The following B3GAT3 variants were observed in gnomAD, a reference collection of about 807,000 sequenced individuals.
B3GAT3 encodes galactosylgalactosylxylosylprotein 3-beta-glucuronosyltransferase 3.
B3GAT3 carries 19 observed loss-of-function variants against 33.1 expected under a neutral mutation model. The ratio of observed to expected loss-of-function variants is 0.57; its 90% CI spans 0.40 to 0.84. B3GAT3 has a LOEUF of 0.84. B3GAT3 is among the 40% of genes least tolerant of loss of function. The probability of loss-of-function intolerance (pLI) is 0.00; values close to 1 mark genes in which losing one functional copy is unlikely to be tolerated. For synonymous variants in B3GAT3, 167 were observed against 193.5 expected (o/e 0.86, Z 1.14); for missense variants, 344 against 441.5 (o/e 0.78, Z 1.98).
intron 2 of B3GAT3, among the ~76,000 whole-genome samples, chr11:62,618,091 C>T (rs1219989154): frequency 2.8e-5 from 4 of 142,284 alleles, no homozygotes; most frequent in Admixed American, 7.4e-5. Context: ...GCAGAAGAAT[C>T]GCTTGAACCC....
At position 62,615,342 on chromosome 11, in the gene B3GAT3, G is replaced by C; in HGVS notation, c.*359C>G. 1 of 429,558 alleles carries C rather than the reference G, an allele frequency of 2.3e-6. No individual in the cohort carries two copies. The highest frequency in any genetic ancestry group is 4.3e-6 in the Non-Finnish European group (1 of 232,372). 26.6% of individuals were successfully genotyped at this position (429,558 alleles called of 1,614,324 possible). On this transcript the variant is annotated 3_prime_UTR_variant, in exon 5 of 5. Coordinates refer to ENST00000265471, the MANE Select transcript of B3GAT3 (RefSeq NM_012200.4). ...CTGGAGGTAGGAAGGGGGTCAGCAT[G>C]CTCAGGTGGGAAGGGTCCAGCCCAG...
At chr11:62,621,711 T>TATA (rs1270984421) in intron 1 of B3GAT3, among the ~76,000 whole-genome samples, 155 bp downstream of exon 1, 1 of 151,996 alleles carries the variant, frequency 6.6e-6, no homozygotes, top group East Asian at 1.9e-4. Context: ...GTAGCCGCGG[T>TATA]GCGTTCTATA....
rs1194326313 is a variant in B3GAT3 at position 62,616,813 on chromosome 11, G to A, written c.619-17C>T. The A allele has an allele frequency of 1.9e-6, 3 of 1,613,718 alleles. No homozygotes were observed. Among genetic ancestry groups the A allele is most frequent in the African/African-American group, 2.7e-5 (2 of 74,930 alleles). ...CCAGCGCATCTAACGGAGGTCGGGA[G>A]AGAAGAAACAGAGGGGTGGTCCGGG... On this transcript the variant is annotated splice_polypyrimidine_tract_variant and intron_variant, in intron 3 of 4. Coordinates refer to ENST00000265471, the MANE Select transcript of B3GAT3 (RefSeq NM_012200.4).
In B3GAT3 at chr11:62,617,151, A is replaced by G. The variant is rs138447623; in HGVS notation, c.454T>C (p.Trp152Arg). 4.3e-6 allele frequency: 7 copies of G among 1,613,890 alleles called. No homozygotes were observed. Among genetic ancestry groups the G allele is most frequent in the Non-Finnish European group, 3.4e-6 (4 of 1,180,008 alleles). ...AQRLREGEPG[W>R]VHPRGVEQRN... ...TGCTCGACACCACGGGGATGAACCC[A>G]GCCAGGCTCGCCCTCCCGAAGCCGC... is the stretch of plus-strand genomic sequence containing the variant. The change falls in exon 3 of 5, where the codon TGG (tryptophan) becomes CGG (arginine). Residue 152 changes from tryptophan (W) to arginine (R), a missense_variant. Transcript: ENST00000265471.
rs758512189 is a variant in B3GAT3, at chr11:62,617,131, G to A, written c.474C>T (p.Val158=). The change falls in exon 3 of 5, where the codon GTC becomes GTT. Residue 158 remains valine (V), a synonymous_variant. Coordinates refer to ENST00000265471, the MANE Select transcript of B3GAT3 (RefSeq NM_012200.4). ...GEPGWVHPRG[V]EQRNKALDWL... is the part of the protein sequence containing the mutation. Reference sequence around the variant, plus strand: ...AGTCCAGGGCCTTGTTCCGCTGCTCGACACCACGGGGATGAACCCAGCCAG... The same window carrying A: ...AGTCCAGGGCCTTGTTCCGCTGCTCAACACCACGGGGATGAACCCAGCCAG... 8.7e-6 allele frequency: 14 copies of A among 1,613,844 alleles called. No homozygotes were observed. The highest frequency in any genetic ancestry group is 5.0e-5 in the Admixed American group (3 of 60,006).
In B3GAT3 at chr11:62,617,130, C is replaced by T. The variant is rs1312586668; in HGVS notation, c.475G>A (p.Glu159Lys). The change falls in exon 3 of 5, where the codon GAG (glutamate) becomes AAG (lysine). Residue 159 changes from glutamate (E) to lysine (K), a missense_variant. Transcript: ENST00000265471. ...CAGTCCAGGGCCTTGTTCCGCTGCT[C>T]GACACCACGGGGATGAACCCAGCCA... ...EPGWVHPRGV[E>K]QRNKALDWLR... 2 of 1,613,874 alleles carry T rather than the reference C, an allele frequency of 1.2e-6. No homozygotes were observed. The highest frequency in any genetic ancestry group is 1.7e-6 in the Non-Finnish European group (2 of 1,179,986).
chr11:62,620,439 A>C, intron 2 of B3GAT3, 58 bp downstream of exon 2: 3 of 1,554,530 alleles, frequency 1.9e-6, no homozygotes, highest in Admixed American at 3.5e-5. Flanking sequence ...CAAACTCCTC[A>C]TCATCAACTC....
Position 62,615,440 on chromosome 11 carries a change from C to T in B3GAT3, c.*261G>A. 1 of 604,712 alleles carries T rather than the reference C, an allele frequency of 1.7e-6. No homozygotes were observed. The highest frequency in any genetic ancestry group is 2.9e-6 in the Non-Finnish European group (1 of 346,684). 37.5% of individuals were successfully genotyped at this position (604,712 alleles called of 1,614,324 possible). Reference sequence around the variant, plus strand: ...TACTCAGCTGCCCTCCCTCCTGGGTCCATCTGTCCTTCTGTTCCACCCTAG... The same window carrying T: ...TACTCAGCTGCCCTCCCTCCTGGGTTCATCTGTCCTTCTGTTCCACCCTAG... On this transcript the variant is annotated 3_prime_UTR_variant, in exon 5 of 5. Coordinates refer to ENST00000265471, the MANE Select transcript of B3GAT3 (RefSeq NM_012200.4).
chr11:62,618,398 C>T (rs750059244), intron 2 of B3GAT3, among the ~76,000 whole-genome samples: 2 of 152,084 alleles, frequency 1.3e-5, no homozygotes, highest in African/African-American at 4.8e-5. Context: ...GATGGTGGCT[C>T]ACACCTGTAA....
chr11:62,620,986 C>T, intron 1 of B3GAT3: 1 of 534,950 alleles, frequency 1.9e-6, no homozygotes, highest in Admixed American at 2.3e-5. Flanking sequence ...ACAGGACAGT[C>T]TTTTCAGAGT....
chr11:62,615,923 C>G, intron 4 of B3GAT3, 124 bp from the exon 5 acceptor site: 2 of 1,529,960 alleles, frequency 1.3e-6, no homozygotes, highest in Non-Finnish European at 1.8e-6. Context: ...GTGTAAAGGG[C>G]AGGGTGGAGG....
chr11:62,620,609 G>C lies in B3GAT3; in HGVS notation c.145C>G (p.Leu49Val), dbSNP rs1943127061. Reference protein sequence around the residue: ...AAAEQLRQKDLRISQLQAELR... With the variant: ...AAAEQLRQKDVRISQLQAELR... ...TCCGCTTGCAGCTGGGAAATCCTCA[G>C]ATCCTTCTGCCGTAGCTGCTCGGCT... The change falls in exon 2 of 5, where the codon CTG (leucine) becomes GTG (valine). Residue 49 changes from leucine to valine, a missense_variant. By Grantham distance (32) the Leu-to-Val change is conservative (BLOSUM62 1). Transcript: ENST00000265471. The C allele has an allele frequency of 6.2e-7, 1 of 1,612,792 alleles. No homozygotes were observed. The highest frequency in any genetic ancestry group is 8.5e-7 in the Non-Finnish European group (1 of 1,179,468).
chr11:62,615,613 C>T lies in B3GAT3; in HGVS notation c.*88G>A. ...CCACTTCTGGCTCCAAGGGTCAGGACTTGGAAAACCACATCCTGGGCAGGC... is the reference window on the plus strand; with the variant it reads ...CCACTTCTGGCTCCAAGGGTCAGGATTTGGAAAACCACATCCTGGGCAGGC... On this transcript the variant is annotated 3_prime_UTR_variant, in exon 5 of 5. Coordinates refer to ENST00000265471, the MANE Select transcript of B3GAT3 (RefSeq NM_012200.4). The T allele has an allele frequency of 6.5e-7, 1 of 1,550,282 alleles. No individual in the cohort carries two copies.
Position 62,618,177 on chromosome 11 carries a change from C to CAAAAAAA in B3GAT3, c.258-837_258-831dup, listed in dbSNP as rs150492409. Among the ~76,000 whole-genome samples the CAAAAAAA allele has an allele frequency of 3.7e-3, 169 of 46,272 alleles. 1 individual carries two copies. The highest frequency in any genetic ancestry group is 0.016 in the African/African-American group (157 of 9,740). 30.4% of individuals were successfully genotyped at this position (46,272 alleles called of 152,430 possible). ...GAGCGACAAGAGCGAAACTCTGTCT[C>CAAAAAAA]AAAAAAAAAAAAAAAAAAAAAAAAA... On this transcript the variant is annotated intron_variant, in intron 2 of 4. Transcript: ENST00000265471.
In B3GAT3 at chr11:62,617,335, C is replaced by T. The variant is rs754191044; in HGVS notation, c.270G>A (p.Lys90=). 1 of 1,612,612 alleles carries T rather than the reference C, an allele frequency of 6.2e-7. No homozygotes were observed. The highest frequency in any genetic ancestry group is 8.5e-7 in the Non-Finnish European group (1 of 1,179,962). ...TCTGGGACAGTCGTACCAGCTCTGC[C>T]TTCTGTACCAGCCTGCAGGGGAGAG... ...VTPTYARLVQ[K]AELVRLSQTL... Residue 90 remains lysine, a synonymous_variant, in exon 3 of 5, where the codon AAG becomes AAA. Transcript: ENST00000265471.
rs764090088 is a variant in B3GAT3, at chr11:62,617,188, C to T, written c.417G>A (p.Thr139=). 13 of 1,613,918 alleles carry T rather than the reference C, an allele frequency of 8.1e-6. No homozygotes were observed. In the Admixed American group the frequency reaches 1.2e-4, roughly 14 times the overall value. The change falls in exon 3 of 5, where the codon ACG becomes ACA. Residue 139 remains threonine, a synonymous_variant. Transcript: ENST00000265471. ...CCTCCCGAAGCCGCTGGGCTTTGGG[C>T]GTGAGGACCACCAGGTGTGTGAAGA... is the stretch of plus-strand genomic sequence containing the variant. ...GLLFTHLVVL[T]PKAQRLREGE...
chr11:62,616,498 T>C lies in B3GAT3; in HGVS notation c.909+8A>G, dbSNP rs1363928934. On this transcript the variant is annotated splice_region_variant and intron_variant, in intron 4 of 4. Transcript: ENST00000265471. ...GCCAGGTTTCTATGCCCATCTCCAT[T>C]CCCTTACCCGAGTGCAGTTGGCAGC... The C allele has an allele frequency of 3.7e-6, 6 of 1,613,914 alleles. No homozygotes were observed. Among genetic ancestry groups the C allele is most frequent in the Non-Finnish European group, 5.1e-6 (6 of 1,180,036 alleles).
In B3GAT3 at chr11:62,619,484, C is replaced by T. The variant is rs117559135; in HGVS notation, c.257+1013G>A. Among the ~76,000 whole-genome samples the T allele has an allele frequency of 3.6e-3, 550 of 152,014 alleles. 2 individuals carry two copies. The highest frequency in any genetic ancestry group is 0.014 in the Middle Eastern group (4 of 288). On this transcript the variant is annotated intron_variant, in intron 2 of 4. Coordinates refer to ENST00000265471, the MANE Select transcript of B3GAT3 (RefSeq NM_012200.4). ...CAGTGCCTGCTAGAGAGTAAACACA[C>T]TGTAAGTAACAGCTGGTATAACTAT...
Position 62,620,635 on chromosome 11 carries a change from G to C in B3GAT3, c.119C>G (p.Ala40Gly). The C allele has an allele frequency of 6.2e-7, 1 of 1,612,434 alleles. No homozygotes were observed. Among genetic ancestry groups the C allele is most frequent in the Non-Finnish European group, 8.5e-7 (1 of 1,179,002 alleles). Residue 40 changes from alanine to glycine, a missense_variant, in exon 2 of 5, where the codon GCA becomes GGA. Coordinates refer to ENST00000265471, the MANE Select transcript of B3GAT3 (RefSeq NM_012200.4). ...PCDCLPPLRA[A>G]AEQLRQKDLR... ...ATCCTTCTGCCGTAGCTGCTCGGCT[G>C]CTGCCCGCAGGGGAGGAAGGCAGTC...
Sources: allele counts gnomAD v4.1 joint callset (sites outside exome capture counted in the v4.1 genomes callset), GRCh38; gene constraint gnomAD v4.1.1; transcripts MANE v1.5; gene names NCBI Gene and HGNC (gene_info 2026-07-23, HGNC 2026-07-21).